CHSY3: variants seen among roughly 807,000 people sequenced by gnomAD.
CHSY3 encodes chondroitin sulfate synthase 3, also known as N-acetylgalactosaminyl-proteoglycan 3-beta-glucuronosyltransferase 3.
Under a neutral mutation model 67.2 loss-of-function variants are expected in CHSY3, and 35 were observed. The observed-to-expected ratio is 0.52, with a 90% CI of 0.40 to 0.69. The LOEUF (loss-of-function observed/expected upper bound fraction) is 0.69, where lower values mean the gene tolerates loss of function less well. Ranked by LOEUF, CHSY3 falls within the 30% of genes least tolerant of loss-of-function variation. CHSY3 has a pLI of 0.00. For synonymous variants in CHSY3, 474 were observed against 434.7 expected (o/e 1.09, Z -1.12); for missense variants, 1,069 against 1,138.5 (o/e 0.94, Z 0.88).
At chr5:130,179,856 G>C (rs999607431) in intron 2 of CHSY3, among the ~76,000 whole-genome samples, 1 of 152,118 alleles carries the variant, frequency 6.6e-6, no homozygotes, top group Admixed American at 6.5e-5. Flanking sequence ...TGGTAGGAGT[G>C]TTTGCTATAA....
chr5:129,941,227 C>T (rs1442433203), intron 2 of CHSY3, among the ~76,000 whole-genome samples: 23 of 152,028 alleles, frequency 1.5e-4, no homozygotes, highest in Non-Finnish European at 8.8e-5. Flanking sequence ...TAAATAAATG[C>T]AGTTTTAGCT....
intron 2 of CHSY3, among the ~76,000 whole-genome samples, chr5:129,921,672 A>G (rs1252053482): frequency 6.6e-6 from 1 of 152,006 alleles, no homozygotes; most frequent in Non-Finnish European, 1.5e-5. Context: ...CAGATGAGAG[A>G]ATTTCTTCTA....
intron 2 of CHSY3, among the ~76,000 whole-genome samples, chr5:130,131,236 C>T (rs999608313): frequency 2.0e-5 from 3 of 152,046 alleles, no homozygotes; most frequent in Non-Finnish European, 2.9e-5. Context: ...TCTTCTCTTT[C>T]TCTCACTTTT....
At chr5:130,167,472 A>T (rs1221611589) in intron 2 of CHSY3, among the ~76,000 whole-genome samples, 1 of 152,142 alleles carries the variant, frequency 6.6e-6, no homozygotes, top group African/African-American at 2.4e-5. Flanking sequence ...GGAATTTACA[A>T]CTGCAAGTTT....
intron 2 of CHSY3, among the ~76,000 whole-genome samples, chr5:130,111,649 G>A (rs533167152): frequency 6.6e-6 from 1 of 152,156 alleles, no homozygotes; most frequent in East Asian, 1.9e-4. Context: ...AAGTATTCTA[G>A]TACCAAGGCT....
intron 2 of CHSY3, among the ~76,000 whole-genome samples, chr5:129,916,034 T>C (rs1760719893): frequency 6.6e-6 from 1 of 152,212 alleles, no homozygotes; most frequent in Admixed American, 6.5e-5. Context: ...AAAAGGGCAA[T>C]TCTACAAAAG....
intron 2 of CHSY3, among the ~76,000 whole-genome samples, chr5:130,170,099 T>C (rs1418609675): frequency 6.6e-6 from 1 of 152,140 alleles, no homozygotes; most frequent in Non-Finnish European, 1.5e-5. Context: ...GTGAATACTG[T>C]ATCCGAAAGA....
intron 2 of CHSY3, among the ~76,000 whole-genome samples, chr5:130,058,588 T>C (rs919495718): frequency 1.8e-4 from 28 of 152,182 alleles, no homozygotes; most frequent in African/African-American, 3.9e-4. Context: ...ATTGCACCAT[T>C]GTACTCCAGC....
intron 2 of CHSY3, among the ~76,000 whole-genome samples, chr5:129,917,728 C>G (rs1410200133): frequency 6.6e-6 from 1 of 152,116 alleles, no homozygotes; most frequent in Non-Finnish European, 1.5e-5. Flanking sequence ...GTATGGTGGG[C>G]TTTGCTGTAA....
chr5:130,150,349 T>G (rs1374582656), intron 2 of CHSY3, among the ~76,000 whole-genome samples: 1 of 152,154 alleles, frequency 6.6e-6, no homozygotes, highest in Non-Finnish European at 1.5e-5. Context: ...AATCAACAAG[T>G]AATATCTAGC....
intron 2 of CHSY3, among the ~76,000 whole-genome samples, chr5:130,137,535 G>T (rs149377095): frequency 1.2e-3 from 180 of 152,132 alleles, no homozygotes; most frequent in African/African-American, 4.1e-3. Flanking sequence ...TTAATTGAGG[G>T]TATGTCAGAA....
At chr5:130,006,802 C>G (rs1763890224) in intron 2 of CHSY3, among the ~76,000 whole-genome samples, 1 of 152,132 alleles carries the variant, frequency 6.6e-6, no homozygotes, top group Non-Finnish European at 1.5e-5. Context: ...CTTGGGTCCT[C>G]TAAAAAATTT....
rs1397982922 is a variant in CHSY3 at position 129,917,155 on chromosome 5, C to T, written c.1086+8795C>T. ...TACCTGGCTTCTTACTCTAGTTTTG[C>T]CATTCACTAGCTGTGTGGCCTTACA... On this transcript the variant is annotated intron_variant, in intron 2 of 2. Coordinates refer to ENST00000305031, the MANE Select transcript of CHSY3 (RefSeq NM_175856.5). 2.6e-5 allele frequency among the ~76,000 whole-genome samples: 4 copies of T among 152,142 alleles called. 1 individual carries two copies. Among genetic ancestry groups the T allele is most frequent in the Non-Finnish European group, 5.9e-5 (4 of 68,020 alleles).
Position 130,079,185 on chromosome 5 carries a change from C to A in CHSY3, c.1087-105044C>A, listed in dbSNP as rs550482635. ...TGACAACCTCCATTCTTCCATTTTT[C>A]CAGCCTGGATATAGGCTGTAAAAAG... On this transcript the variant is annotated intron_variant, in intron 2 of 2. Coordinates refer to ENST00000305031, the MANE Select transcript of CHSY3 (RefSeq NM_175856.5). Among the ~76,000 whole-genome samples, 6 of 152,186 alleles carry A rather than the reference C, an allele frequency of 3.9e-5. No individual in the cohort carries two copies. In the East Asian group the frequency reaches 1.2e-3, roughly 29 times the overall value.
rs1235724208 is a variant in CHSY3, at chr5:130,160,895, ATTTTTT to A, written c.1087-23326_1087-23321del. On this transcript the variant is annotated intron_variant, in intron 2 of 2. Transcript: ENST00000305031. ...ACTGATCATTTTTATTTATTTATTT[ATTTTTT>A]TTTTTTTATTTTTTTTTTTTTGAGA... Among the ~76,000 whole-genome samples the A allele has an allele frequency of 4.4e-4, 62 of 142,426 alleles. 2 individuals are homozygous for A. The highest frequency in any genetic ancestry group is 1.5e-3 in the African/African-American group (55 of 37,022). The allele number at this position is 142,426 out of a possible 152,430, so 93.4% of individuals were successfully genotyped here. A position where few individuals can be genotyped will look rare whatever the true frequency, so the allele number is the denominator to read the frequency against.
intron 2 of CHSY3, among the ~76,000 whole-genome samples, chr5:129,910,461 G>C (rs190775966): frequency 1.3e-5 from 2 of 152,016 alleles, no homozygotes; most frequent in African/African-American, 4.8e-5. Context: ...CATTAAAGGA[G>C]CTATTTAAAC....
At chr5:130,162,057 A>AAAAGAAAGAAAGAAAG (rs1554087188) in intron 2 of CHSY3, among the ~76,000 whole-genome samples, 1 of 122,980 alleles carries the variant, frequency 8.1e-6, no homozygotes, top group African/African-American at 3.1e-5. Flanking sequence ...AAAAAAAAAA[A>AAAAGAAAGAAAGAAAG]AAAGAAAGAA....
chr5:130,012,128 G>C (rs921171679), intron 2 of CHSY3, among the ~76,000 whole-genome samples: 1 of 152,172 alleles, frequency 6.6e-6, no homozygotes, highest in Non-Finnish European at 1.5e-5. Flanking sequence ...CCAAAGAAGA[G>C]CCTGAGTAAT....
intron 2 of CHSY3, among the ~76,000 whole-genome samples, chr5:130,022,184 A>G (rs2149654499): frequency 6.6e-6 from 1 of 152,170 alleles, no homozygotes; most frequent in East Asian, 1.9e-4. Flanking sequence ...ATGAATATCT[A>G]TTTCCACCTA....
Sources: gnomAD v4.1 joint callset for allele counts (sites outside exome capture counted in the v4.1 genomes callset) on GRCh38, gnomAD v4.1.1 for gene constraint, MANE v1.5 for transcripts, NCBI Gene and HGNC (gene_info 2026-07-23, HGNC 2026-07-21) for gene names.